ACOT11: variants seen among roughly 807,000 people sequenced by gnomAD.
ACOT11 encodes acyl-CoA thioesterase 11, also known as acyl-coenzyme A thioesterase 11.
A neutral mutation model predicts 77.5 loss-of-function variants in ACOT11; 69 were observed. The observed-to-expected ratio is 0.89, with a 90% CI of 0.73 to 1.09. ACOT11 has a LOEUF of 1.09. Among genes scored for constraint, ACOT11 ranks in the 50% least tolerant of loss-of-function variants. The probability of loss-of-function intolerance (pLI) is 0.00; values close to 1 mark genes in which losing one functional copy is unlikely to be tolerated. For synonymous variants in ACOT11, 279 were observed against 313.0 expected, an observed-to-expected ratio of 0.89 and a Z score of 1.15; for missense variants, 766 against 813.7, an observed-to-expected ratio of 0.94 and a Z score of 0.71.
intron 1 of ACOT11, among the ~76,000 whole-genome samples, chr1:54,573,658 C>T (rs375371378): frequency 9.9e-5 from 15 of 152,122 alleles, no homozygotes; most frequent in Admixed American, 2.0e-4. Context: ...GCTTGAACCC[C>T]GGAGGTGGAG....
At chr1:54,612,671 G>C (rs771863130), downstream of ACOT11, 1 of 1,613,998 alleles carries the variant, frequency 6.2e-7, no homozygotes, top group Admixed American at 1.7e-5. Flanking sequence ...CTGGAGATAG[G>C]GTAGCCTTGG....
At chr1:54,634,771 G>A (rs1484851477) in exon 17 of ACOT11, 2 of 699,646 alleles carry the variant, frequency 2.9e-6, no homozygotes, top group Non-Finnish European at 5.2e-6. Flanking sequence ...GACTCTGGGA[G>A]GATCCAGAGG....
At chr1:54,569,636 C>T (rs902629589) in intron 1 of ACOT11, among the ~76,000 whole-genome samples, 7 of 152,188 alleles carry the variant, frequency 4.6e-5, no homozygotes, top group African/African-American at 9.7e-5. Context: ...GTGAAGCCTT[C>T]AACAGCCACA....
At chr1:54,617,982 C>T (rs1220612546) in intron 15 of ACOT11, among the ~76,000 whole-genome samples, 1 of 152,130 alleles carries the variant, frequency 6.6e-6, no homozygotes, top group East Asian at 1.9e-4. Flanking sequence ...CCGCCTCAGC[C>T]TCCCAAACTG....
At chr1:54,625,564 C>T (rs886647295) in intron 15 of ACOT11, among the ~76,000 whole-genome samples, 4 of 152,090 alleles carry the variant, frequency 2.6e-5, no homozygotes, top group Admixed American at 6.5e-5. Flanking sequence ...AGCTACATCT[C>T]GAGTAACAAC....
At chr1:54,581,677 C>G (rs1158573149) in intron 1 of ACOT11, among the ~76,000 whole-genome samples, 1 of 152,158 alleles carries the variant, frequency 6.6e-6, no homozygotes, top group Non-Finnish European at 1.5e-5. Context: ...GGGTGTCCTC[C>G]TACCCTTGCA....
At chr1:54,564,062 T>G (rs1359868169) in intron 1 of ACOT11, among the ~76,000 whole-genome samples, 1 of 138,918 alleles carries the variant, frequency 7.2e-6, no homozygotes, top group Admixed American at 7.1e-5. Context: ...TGAAACTCCA[T>G]CTCAAAAAAA....
intron 1 of ACOT11, among the ~76,000 whole-genome samples, chr1:54,575,548 C>T (rs1654081342): frequency 6.6e-6 from 1 of 150,728 alleles, no homozygotes; most frequent in Non-Finnish European, 1.5e-5. Flanking sequence ...TGGGGTGACA[C>T]TAGGGAGAAT....
At chr1:54,590,156 A>T (rs1001048787) in intron 3 of ACOT11, among the ~76,000 whole-genome samples, 10 of 150,830 alleles carry the variant, frequency 6.6e-5, no homozygotes, top group African/African-American at 2.2e-4. Context: ...GCTCTCTGGC[A>T]CCGTCTCTCT....
At chr1:54,576,666 G>A (rs1428305308) in intron 1 of ACOT11, among the ~76,000 whole-genome samples, 4 of 151,992 alleles carry the variant, frequency 2.6e-5, no homozygotes, top group East Asian at 1.9e-4. Context: ...AGGGCAAGCC[G>A]GTTAATGCTT....
At chr1:54,594,526 G>A in intron 5 of ACOT11, 30 bp from the exon 6 acceptor site, 1 of 1,597,724 alleles carries the variant, frequency 6.3e-7, no homozygotes, top group Non-Finnish European at 8.5e-7. Context: ...CTTGCCCTGA[G>A]TGTCCCCCAC....
chr1:54,599,280 AC>A lies in ACOT11; in HGVS notation c.765-12del. The A allele has an allele frequency of 6.8e-7, 1 of 1,478,026 alleles. No individual in the cohort carries two copies. Among genetic ancestry groups the A allele is most frequent in the Non-Finnish European group, 9.1e-7 (1 of 1,104,644 alleles). 91.6% of individuals were successfully genotyped at this position (1,478,026 alleles called of 1,614,324 possible). Reference sequence around the variant, plus strand: ...CCAGGGGCATTCCTTCTGTCTCCCCACCCCTGCCTCCTCAGCCGGCTCTGCC... The same window carrying A: ...CCAGGGGCATTCCTTCTGTCTCCCCACCCTGCCTCCTCAGCCGGCTCTGCC... On this transcript the variant is annotated splice_polypyrimidine_tract_variant and intron_variant, in intron 7 of 15. Transcript: ENST00000343744.
chr1:54,573,908 A>C (rs1006656729), intron 1 of ACOT11, among the ~76,000 whole-genome samples: 4 of 152,030 alleles, frequency 2.6e-5, no homozygotes, highest in African/African-American at 9.7e-5. Flanking sequence ...GCATGCCTGT[A>C]ATCCCAGCTA....
At position 54,626,622 on chromosome 1, in the gene ACOT11, T is replaced by C. The variant is rs1644274541; in HGVS notation, c.1630-4112T>C. 2.5e-5 allele frequency among the ~76,000 whole-genome samples: 2 copies of C among 79,552 alleles called. 1 individual carries two copies. The highest frequency in any genetic ancestry group is 6.6e-5 in the Non-Finnish European group (2 of 30,286). 52.2% of individuals were successfully genotyped at this position (79,552 alleles called of 152,430 possible). A position where few individuals can be genotyped will look rare whatever the true frequency, so the allele number is the denominator to read the frequency against. ...GCAGGTCAGGCTGACTGTGGGCCTA[T>C]CTGCCTGATTTTATCCATCTACTTG... On this transcript the variant is annotated intron_variant, in intron 15 of 16. Coordinates refer to the ACOT11 transcript ENST00000371316.
intron 15 of ACOT11, among the ~76,000 whole-genome samples, chr1:54,624,154 A>G (rs1182647427): frequency 6.6e-6 from 1 of 152,154 alleles, no homozygotes; most frequent in African/African-American, 2.4e-5. Context: ...GGCTGCCCCT[A>G]TTCTGAGGAC....
intron 1 of ACOT11, among the ~76,000 whole-genome samples, chr1:54,564,065 CAAA>C (rs1229856632): frequency 6.6e-5 from 8 of 120,360 alleles, no homozygotes; most frequent in Admixed American, 1.7e-4. Context: ...AACTCCATCT[CAAA>C]AAAAAAAAAA....
intron 1 of ACOT11, among the ~76,000 whole-genome samples, chr1:54,581,256 A>G (rs1654295452): frequency 6.6e-6 from 1 of 152,138 alleles, no homozygotes; most frequent in South Asian, 2.1e-4. Context: ...TTAAGGTCGG[A>G]TCATTGGGAC....
intron 3 of ACOT11, among the ~76,000 whole-genome samples, chr1:54,586,387 A>G (rs1287911053): frequency 6.6e-6 from 1 of 151,528 alleles, no homozygotes; most frequent in African/African-American, 2.4e-5. Flanking sequence ...ACATCCTTCC[A>G]GGGATGAGGA....
At chr1:54,572,993 G>A (rs1164834921) in intron 1 of ACOT11, 1 of 985,344 alleles carries the variant, frequency 1.0e-6, no homozygotes, top group Non-Finnish European at 1.2e-6. Flanking sequence ...CAGTGGCCCA[G>A]TGGGACAGTG....
Sources: gnomAD v4.1 joint callset for allele counts (sites outside exome capture counted in the v4.1 genomes callset) on GRCh38, gnomAD v4.1.1 for gene constraint, MANE v1.5 for transcripts, NCBI Gene and HGNC (gene_info 2026-07-23, HGNC 2026-07-21) for gene names.